Variants in CLN5 observed in about 807,000 individuals in gnomAD.
The protein encoded by CLN5 is CLN5 lysosomal BMP synthase.
In CLN5, 34 loss-of-function variants were observed where a neutral mutation model predicts 36.7. That is an observed-to-expected ratio of 0.93 (90% CI 0.71 to 1.23). CLN5 has a LOEUF of 1.23. Among genes scored for constraint, CLN5 ranks in the 50% most tolerant of loss-of-function variants. The pLI is 0.00. For missense variants in CLN5, 427 were observed against 439.4 expected (o/e 0.97, Z 0.25); for synonymous variants, 151 against 155.1 (o/e 0.97, Z 0.20).
chr13:77,004,896 C>A lies in CLN5; in HGVS notation c.*3927C>A, dbSNP rs539542133. ...TAATTTCAATAGTTGAAAAACTATT[C>A]TAATTTATATAAAGACATTTATCTC... On this transcript the variant is annotated 3_prime_UTR_variant, in exon 4 of 4. Transcript: ENST00000377453. 2.1e-4 allele frequency: 32 copies of A among 152,108 alleles called. 1 individual carries two copies. Among genetic ancestry groups the A allele is most frequent in the Non-Finnish European group, 4.0e-4 (27 of 68,012 alleles). 9.4% of individuals were successfully genotyped at this position (152,108 alleles called of 1,614,324 possible).
rs2034246735 is a variant in CLN5, at chr13:76,995,299, G to C, written c.339+71G>C. 4.3e-6 allele frequency: 6 copies of C among 1,381,348 alleles called. No homozygotes were observed. The South Asian group carries it at 7.0e-5, about 16-fold the overall frequency. The allele number at this position is 1,381,348 out of a possible 1,614,324, so 85.6% of individuals were successfully genotyped here. On this transcript the variant is annotated intron_variant, in intron 2 of 3. Coordinates refer to ENST00000377453, the MANE Select transcript of CLN5 (RefSeq NM_006493.4). ...TGGTTATTAAGTTGATTTTTAAGGA[G>C]TAATCACTATTTAGATGGCTGACTT...
At chr13:76,992,328 T>TTG in intron 1 of CLN5, 57 bp downstream of exon 1, 26 of 709,738 alleles carry the variant, frequency 3.7e-5, no homozygotes, top group Non-Finnish European at 4.9e-5. Context: ...CGATGGGGGA[T>TTG]GGGGTGCTGG....
intron 3 of CLN5, chr13:76,997,106 CTATT>C (rs2034281120): frequency 6.6e-6 from 1 of 151,924 alleles, no homozygotes; most frequent in South Asian, 2.1e-4. Context: ...TGAGAATTGT[CTATT>C]TGTGTCCTTA....
At position 76,992,093 on chromosome 13, in the gene CLN5, A is replaced by C. The variant is rs771839317; in HGVS notation, c.-6A>C. On this transcript the variant is annotated 5_prime_UTR_variant, in exon 1 of 4. Coordinates refer to ENST00000377453, the MANE Select transcript of CLN5 (RefSeq NM_006493.4). The stretch of plus-strand genomic sequence containing the variant: ...GAGAGGCTCCGGAAGTACTGGGTGC[A>C]GCCTGATGGCGCAGGAGGTAGACAC... The C allele has an allele frequency of 3.7e-6, 6 of 1,611,870 alleles. No individual in the cohort carries two copies. In the East Asian group the frequency reaches 6.7e-5, roughly 18 times the overall value.
intron 3 of CLN5, chr13:77,000,219 A>G: frequency 3.1e-6 from 1 of 322,370 alleles, no homozygotes; most frequent in Admixed American, 4.5e-5. Flanking sequence ...AAATTAAAAA[A>G]AAGAAAAATT....
rs1459945516 is a variant in CLN5, at chr13:77,000,986, T to G, written c.*17T>G. ...GGTTTATAAAACACCTTAATTCTAC[T>G]GCTCTTTTTTCTCCAATCACCAGCA... is the stretch of plus-strand genomic sequence containing the variant. On this transcript the variant is annotated 3_prime_UTR_variant, in exon 4 of 4. Coordinates refer to ENST00000377453, the MANE Select transcript of CLN5 (RefSeq NM_006493.4). 2 of 1,597,216 alleles carry G rather than the reference T, an allele frequency of 1.3e-6. No homozygotes were observed. Among genetic ancestry groups the G allele is most frequent in the Non-Finnish European group, 1.7e-6 (2 of 1,173,340 alleles).
rs751120160 is a variant in CLN5 at position 76,996,142 on chromosome 13, T to G, written c.565+15T>G. 6 of 1,585,992 alleles carry G rather than the reference T, an allele frequency of 3.8e-6. No individual in the cohort carries two copies. Among genetic ancestry groups the G allele is most frequent in the Admixed American group, 3.3e-5 (2 of 59,980 alleles). On this transcript the variant is annotated intron_variant, in intron 3 of 3. Coordinates refer to ENST00000377453, the MANE Select transcript of CLN5 (RefSeq NM_006493.4). ...AACTATATCAGGTAAGTTGTGAAAA[T>G]ATAGCAATATTTGATCATTGCATCA...
rs1470454519 is a variant in CLN5, at chr13:76,992,089, G to C, written c.-10G>C. ...CCTCGAGAGGCTCCGGAAGTACTGGGTGCAGCCTGATGGCGCAGGAGGTAG... is the reference window on the plus strand; with the variant it reads ...CCTCGAGAGGCTCCGGAAGTACTGGCTGCAGCCTGATGGCGCAGGAGGTAG... On this transcript the variant is annotated 5_prime_UTR_variant, in exon 1 of 4. Coordinates refer to ENST00000377453, the MANE Select transcript of CLN5 (RefSeq NM_006493.4). 3 of 1,611,892 alleles carry C rather than the reference G, an allele frequency of 1.9e-6. No individual in the cohort carries two copies. The highest frequency in any genetic ancestry group is 2.5e-6 in the Non-Finnish European group (3 of 1,179,448).
At chr13:76,992,598 G>A (rs1174752354) in intron 1 of CLN5, 1 of 458,776 alleles carries the variant, frequency 2.2e-6, no homozygotes, top group Non-Finnish European at 3.9e-6. Flanking sequence ...GATTTCTTGA[G>A]TAGTTTAAAA....
In CLN5 at chr13:77,003,495, GA is replaced by G. The variant is rs767236391; in HGVS notation, c.*2528del. Reference sequence around the variant, plus strand: ...GAGCTTTCAGGTGAAGATGATTCAAGAACATGCTTTCAAAATAGTAGTTGAG... The same window carrying G: ...GAGCTTTCAGGTGAAGATGATTCAAGACATGCTTTCAAAATAGTAGTTGAG... On this transcript the variant is annotated 3_prime_UTR_variant, in exon 4 of 4. Coordinates refer to ENST00000377453, the MANE Select transcript of CLN5 (RefSeq NM_006493.4). 6.6e-6 allele frequency: 1 copy of G among 152,280 alleles called. No individual in the cohort carries two copies. The highest frequency in any genetic ancestry group is 1.5e-5 in the Non-Finnish European group (1 of 68,028). 9.4% of individuals were successfully genotyped at this position (152,280 alleles called of 1,614,324 possible).
rs1221758511 is a variant in CLN5, at chr13:77,003,691, C to G, written c.*2722C>G. The G allele has an allele frequency of 6.6e-6, 1 of 152,178 alleles. No homozygotes were observed. The highest frequency in any genetic ancestry group is 1.5e-5 in the Non-Finnish European group (1 of 68,052). 9.4% of individuals were successfully genotyped at this position (152,178 alleles called of 1,614,324 possible). ...GGTGCGGTGGCTTATGCCTGTAATC[C>G]TAACACATACTTTGGGAGGCCAAGG... On this transcript the variant is annotated 3_prime_UTR_variant, in exon 4 of 4. Coordinates refer to ENST00000377453, the MANE Select transcript of CLN5 (RefSeq NM_006493.4).
intron 1 of CLN5, chr13:76,994,000 G>C (rs574900827): frequency 4.7e-4 from 72 of 152,176 alleles, no homozygotes; most frequent in African/African-American, 1.7e-3. Flanking sequence ...GGCCTTCTCC[G>C]GTCTTCTTTT....
At position 76,992,205 on chromosome 13, in the gene CLN5, C is replaced by A; in HGVS notation, c.107C>A (p.Ala36Glu). 6.2e-7 allele frequency: 1 copy of A among 1,602,490 alleles called. No homozygotes were observed. The highest frequency in any genetic ancestry group is 2.2e-5 in the East Asian group (1 of 44,684). Reference protein sequence around the residue: ...WCWALALLWLAVVPGWSRVSG... With the variant: ...WCWALALLWLEVVPGWSRVSG... ...TGGGCCCTGGCGCTGCTTTGGCTCG[C>A]GGTGGTTCCGGGCTGGTCCCGGGTC... is the stretch of plus-strand genomic sequence containing the variant. The change falls in exon 1 of 4, where the codon GCG (alanine) becomes GAG (glutamate). Residue 36 changes from alanine (A) to glutamate (E), a missense_variant. Physicochemically the swap from Ala to Glu is moderately radical, Grantham distance 107 (BLOSUM62 -1). Transcript: ENST00000377453.
At chr13:76,999,922 T>C (rs1006401528) in intron 3 of CLN5, 22 of 152,318 alleles carry the variant, frequency 1.4e-4, no homozygotes, top group Middle Eastern at 3.4e-3. Context: ...CTAATGTTTA[T>C]AATTCAGAAA....
chr13:77,000,812 GTC>G lies in CLN5; in HGVS notation c.924_925del (p.Leu309AlafsTer4), dbSNP rs386833964. ...TTGCCAACTAAAGAATTTCTGTTGA[GTC>G]TCTTGCAAATTTTTGATGCAGTGAT... is the stretch of plus-strand genomic sequence containing the variant. On this transcript the variant is annotated frameshift_variant, in exon 4 of 4. Coordinates refer to ENST00000377453, the MANE Select transcript of CLN5 (RefSeq NM_006493.4). LOFTEE classifies it high-confidence loss of function. The G allele has an allele frequency of 6.2e-7, 1 of 1,610,116 alleles. No homozygotes were observed. Among genetic ancestry groups the G allele is most frequent in the Admixed American group, 1.7e-5 (1 of 59,268 alleles).
Position 76,995,974 on chromosome 13 carries a change from C to T in CLN5, c.412C>T (p.Leu138Phe). The T allele has an allele frequency of 6.2e-7, 1 of 1,614,198 alleles. No individual in the cohort carries two copies. The highest frequency in any genetic ancestry group is 8.5e-7 in the Non-Finnish European group (1 of 1,180,026). Reference protein sequence around the residue: ...GKNYTMEWYELFQLGNCTFPH... With the variant: ...GKNYTMEWYEFFQLGNCTFPH... ...GAACTACACAATGGAATGGTATGAA[C>T]TTTTCCAACTTGGCAACTGTACATT... The change falls in exon 3 of 4, where the codon CTT (leucine) becomes TTT (phenylalanine). Residue 138 changes from leucine to phenylalanine, a missense_variant. By Grantham distance (22) the Leu-to-Phe change is conservative. Coordinates refer to ENST00000377453, the MANE Select transcript of CLN5 (RefSeq NM_006493.4).
intron 3 of CLN5, chr13:76,999,150 C>T (rs1331386597): frequency 6.6e-6 from 1 of 152,200 alleles, no homozygotes; most frequent in African/African-American, 2.4e-5. Flanking sequence ...AGTTCTAATA[C>T]AACAGGCTTT....
At chr13:76,996,531 T>A (rs2034271697) in intron 3 of CLN5, 2 of 208,978 alleles carry the variant, frequency 9.6e-6, no homozygotes, top group Admixed American at 5.3e-5. Context: ...CACTTACAAG[T>A]GAGAATACAC....
chr13:76,995,638 T>TA (rs2034252095), intron 2 of CLN5: 1 of 546,408 alleles, frequency 1.8e-6, no homozygotes, highest in African/African-American at 1.9e-5. Context: ...TTCTAAGCTC[T>TA]AAGGAAATTA....
Sources: gnomAD v4.1 joint callset for allele counts on GRCh38, gnomAD v4.1.1 for gene constraint, MANE v1.5 for transcripts, NCBI Gene and HGNC (gene_info 2026-07-23, HGNC 2026-07-21) for gene names.